ZNF469: variants seen among roughly 807,000 people sequenced by gnomAD.
The protein encoded by ZNF469 is zinc finger protein 469.
A neutral mutation model predicts 1.0 loss-of-function variants in ZNF469; 1 was observed. The ratio of observed to expected loss-of-function variants is 1.00; its 90% CI spans 0.35 to 4.73. The LOEUF (loss-of-function observed/expected upper bound fraction) is 4.73, where lower values mean the gene tolerates loss of function less well. ZNF469 is among the 30% of genes most tolerant of loss of function. The pLI, the probability that ZNF469 is intolerant of heterozygous loss-of-function variation, is 0.16. For synonymous variants in ZNF469, 2,703 were observed against 2,363.4 expected (o/e 1.14, Z -4.17); for missense variants, 6,100 against 5,356.3 (o/e 1.14, Z -4.33).
At chr16:88,359,195 C>T in the ZNF469 span, among the ~76,000 whole-genome samples, 1 of 151,454 alleles carries the variant, frequency 6.6e-6, no homozygotes, top group Non-Finnish European at 1.5e-5. Flanking sequence ...TTCAGAGAGT[C>T]CCGGGGGCTC....
At chr16:88,259,313 C>G in the ZNF469 span, among the ~76,000 whole-genome samples, 2 of 151,624 alleles carry the variant, frequency 1.3e-5, 1 homozygote. The surrounding 1 kb of genome is among the most constrained non-coding windows in gnomAD (Gnocchi z 4.1). Context: ...GTCGACGCCC[C>G]CTCCTTCCCT....
chr16:88,131,583 T>C, the ZNF469 span, among the ~76,000 whole-genome samples: 1 of 152,238 alleles, frequency 6.6e-6, no homozygotes, highest in Non-Finnish European at 1.5e-5. Flanking sequence ...AGGTCTTATG[T>C]TTCCCCATTT....
At chr16:88,145,430 G>A in the ZNF469 span, among the ~76,000 whole-genome samples, 1 of 152,178 alleles carries the variant, frequency 6.6e-6, no homozygotes, top group Non-Finnish European at 1.5e-5. Flanking sequence ...TCACGCATTG[G>A]AATCCCACAG....
chr16:88,414,974 G>A (rs909626080), intron 1 of ZNF469, among the ~76,000 whole-genome samples: 1 of 152,228 alleles, frequency 6.6e-6, no homozygotes, highest in South Asian at 2.1e-4. Context: ...GGTCAGCCGC[G>A]CCAGGGCCCA....
At chr16:88,229,928 C>T in the ZNF469 span, among the ~76,000 whole-genome samples, 14 of 152,172 alleles carry the variant, frequency 9.2e-5, no homozygotes, top group Non-Finnish European at 1.6e-4. Flanking sequence ...CTCCCGGGGG[C>T]GCGCTCTGTT....
At chr16:88,259,638 AC>A in the ZNF469 span, among the ~76,000 whole-genome samples, 1 of 151,790 alleles carries the variant, frequency 6.6e-6, no homozygotes, top group Non-Finnish European at 1.5e-5. The surrounding 1 kb of genome is among the most constrained non-coding windows in gnomAD (Gnocchi z 4.1). Flanking sequence ...CCTGACAGCC[AC>A]CCCCAGGCAC....
At chr16:88,152,241 C>A in the ZNF469 span, among the ~76,000 whole-genome samples, 61 of 152,246 alleles carry the variant, frequency 4.0e-4, no homozygotes, top group African/African-American at 1.1e-3. The surrounding 1 kb of genome is among the most constrained non-coding windows in gnomAD (Gnocchi z 4.2). Context: ...CTGCACCGGG[C>A]CCCACCTTGC....
In ZNF469 at chr16:88,433,831, G is replaced by T; in HGVS notation, c.6361G>T (p.Ala2121Ser). ...CTGCGCCCCCTCACCCACTTCAGCC[G>T]CCCACATGCCCTGCAGCCTTGGGCC... ...AACAPSPTSA[A>S]HMPCSLGPLP... Residue 2121 changes from alanine to serine, a missense_variant, in exon 3 of 3, where the codon GCC becomes TCC. By Grantham distance (99) the Ala-to-Ser change is moderately conservative. Transcript: ENST00000565624. 3 of 1,549,794 alleles carry T rather than the reference G, an allele frequency of 1.9e-6. No homozygotes were observed. The highest frequency in any genetic ancestry group is 2.6e-6 in the Non-Finnish European group (3 of 1,146,762).
At chr16:88,208,772 T>TGC in the ZNF469 span, among the ~76,000 whole-genome samples, 247 of 64,882 alleles carry the variant, frequency 3.8e-3, no homozygotes, top group African/African-American at 0.011. Context: ...TAAATGCGCG[T>TGC]GCGCGCGCAC....
At chr16:88,176,433 A>G in the ZNF469 span, among the ~76,000 whole-genome samples, 3 of 150,872 alleles carry the variant, frequency 2.0e-5, no homozygotes, top group Non-Finnish European at 4.4e-5. Flanking sequence ...TCAACATTTC[A>G]GAGGCGTCAA....
the ZNF469 span, among the ~76,000 whole-genome samples, chr16:88,269,240 G>A: frequency 2.6e-5 from 4 of 152,130 alleles, no homozygotes; most frequent in South Asian, 2.1e-4. Flanking sequence ...ATTTCTCTGC[G>A]CCTTAGCTTC....
chr16:88,190,057 C>T, the ZNF469 span, among the ~76,000 whole-genome samples: 40 of 139,344 alleles, frequency 2.9e-4, no homozygotes, highest in East Asian at 6.2e-3. Flanking sequence ...CTCTTGTTGC[C>T]TTGTCTTGAC....
the ZNF469 span, among the ~76,000 whole-genome samples, chr16:88,292,243 C>T: frequency 6.6e-6 from 1 of 152,126 alleles, no homozygotes; most frequent in East Asian, 1.9e-4. Context: ...CCAGCAGGGG[C>T]CTTGACCAGA....
At chr16:88,148,180 A>C in the ZNF469 span, among the ~76,000 whole-genome samples, 1 of 151,958 alleles carries the variant, frequency 6.6e-6, no homozygotes, top group Non-Finnish European at 1.5e-5. Context: ...AGTTCCTCCC[A>C]CGCATCAATG....
the ZNF469 span, among the ~76,000 whole-genome samples, chr16:88,346,380 G>T: frequency 6.6e-6 from 1 of 152,232 alleles, no homozygotes; most frequent in South Asian, 2.1e-4. Context: ...GGCAGAACTC[G>T]CTGGGAAACT....
the ZNF469 span, among the ~76,000 whole-genome samples, chr16:88,283,243 C>T: frequency 6.3e-3 from 957 of 151,616 alleles, 12 homozygotes; most frequent in Middle Eastern, 0.031. Flanking sequence ...CCCGAGGGAA[C>T]GCCTCTGTCA....
the ZNF469 span, among the ~76,000 whole-genome samples, chr16:88,110,995 C>A: frequency 6.6e-6 from 1 of 152,266 alleles, no homozygotes; most frequent in Admixed American, 6.5e-5. Flanking sequence ...CAGATGAAGA[C>A]GCTGCGGCCC....
At chr16:88,219,490 A>G in the ZNF469 span, among the ~76,000 whole-genome samples, 1 of 145,078 alleles carries the variant, frequency 6.9e-6, no homozygotes, top group Admixed American at 6.9e-5. Context: ...CTGATCTTTG[A>G]CAAACCTGAG....
chr16:88,129,386 C>T, the ZNF469 span, among the ~76,000 whole-genome samples: 14 of 152,230 alleles, frequency 9.2e-5, no homozygotes, highest in South Asian at 4.2e-4. Flanking sequence ...TCTGTGGAGC[C>T]GAGAAGACAG....
Sources: allele counts gnomAD v4.1 joint callset (sites outside exome capture counted in the v4.1 genomes callset), GRCh38; gene constraint gnomAD v4.1.1; non-coding constraint Gnocchi (gnomAD v3.1); transcripts MANE v1.5; gene names NCBI Gene and HGNC (gene_info 2026-07-23, HGNC 2026-07-21).